SEC14L5: variants seen among roughly 807,000 people sequenced by gnomAD.
SEC14L5 encodes SEC14-like protein 5.
In SEC14L5, 96 loss-of-function variants were observed where a neutral mutation model predicts 84.6. The observed-to-expected ratio is 1.13, with a 90% CI of 0.96 to 1.34. The LOEUF (loss-of-function observed/expected upper bound fraction) is 1.34, where lower values mean the gene tolerates loss of function less well. Among genes scored for constraint, SEC14L5 ranks in the 40% most tolerant of loss-of-function variants. The pLI is 0.00. For missense variants in SEC14L5, 1,224 were observed against 942.5 expected, an observed-to-expected ratio of 1.30 and a Z score of -3.91; for synonymous variants, 546 against 383.4, an observed-to-expected ratio of 1.42 and a Z score of -4.95.
intron 11 of SEC14L5, 105 bp downstream of exon 11, chr16:5,003,678 G>T: frequency 1.3e-6 from 1 of 775,304 alleles, no homozygotes; most frequent in Non-Finnish European, 2.0e-6. Context: ...ATTTCATTTA[G>T]TAACTTTTTG....
chr16:4,978,423 AAAAGG>A (rs1170289160), intron 2 of SEC14L5, among the ~76,000 whole-genome samples: 1 of 66,100 alleles, frequency 1.5e-5, no homozygotes, highest in African/African-American at 6.4e-5. Flanking sequence ...TCTCAAAAAA[AAAAGG>A]AAAAAAAAGA....
At chr16:4,999,434 C>T (rs922971184) in intron 8 of SEC14L5, among the ~76,000 whole-genome samples, 1 of 151,298 alleles carries the variant, frequency 6.6e-6, no homozygotes, top group African/African-American at 2.4e-5. Context: ...GTGAGCTCGC[C>T]CCCCTCCACC....
At chr16:5,011,449 C>A (rs1394826688) in intron 15 of SEC14L5, among the ~76,000 whole-genome samples, 176 bp downstream of exon 15, 3 of 152,166 alleles carry the variant, frequency 2.0e-5, no homozygotes, top group African/African-American at 4.8e-5. Context: ...TGAGGAGAGC[C>A]CAGCTCTGCG....
At chr16:4,968,323 G>A (rs112462306) in intron 2 of SEC14L5, among the ~76,000 whole-genome samples, 21,865 of 151,880 alleles carry the variant, frequency 0.14, 1,665 homozygotes, top group Middle Eastern at 0.19. Flanking sequence ...GGGATTACAG[G>A]CATGCACCAC....
At chr16:5,006,416 C>G (rs541658894) in intron 12 of SEC14L5, among the ~76,000 whole-genome samples, 1 of 152,186 alleles carries the variant, frequency 6.6e-6, no homozygotes, top group Non-Finnish European at 1.5e-5. Context: ...GGAGGTGACT[C>G]GAATGTATCT....
rs1955557555 is a variant in SEC14L5 at position 4,991,933 on chromosome 16, T to A, written c.570T>A (p.Asp190Glu). The change falls in exon 6 of 16, where the codon GAT becomes GAA. Residue 190 changes from aspartate to glutamate, a missense_variant. Asp to Glu is a conservative substitution (Grantham distance 45, BLOSUM62 2). Transcript: ENST00000251170. ...CGCCTGCCCCAGTCCGTGAGGAGGA[T>A]GCCCGCAACCAGGCTGGACCGAGGG... ...RWTPAPVREE[D>E]ARNQAGPRDP... 1 of 1,604,506 alleles carries A rather than the reference T, an allele frequency of 6.2e-7. No individual in the cohort carries two copies. The highest frequency in any genetic ancestry group is 1.3e-5 in the African/African-American group (1 of 74,844).
chr16:5,017,110 A>G lies in SEC14L5; in HGVS notation c.*2140A>G, dbSNP rs554665026. ...CTGCCCTGGCAGTCTTTATACATTT[A>G]TTGTCTAGCCCCAGAGAAGGACACA... On this transcript the variant is annotated 3_prime_UTR_variant, in exon 16 of 16. Transcript: ENST00000251170. 1 of 148,834 alleles carries G rather than the reference A, an allele frequency of 6.7e-6. No individual in the cohort carries two copies. The highest frequency in any genetic ancestry group is 2.2e-4 in the South Asian group (1 of 4,626). 9.2% of individuals were successfully genotyped at this position (148,834 alleles called of 1,614,324 possible).
chr16:5,003,615 G>GCC, intron 11 of SEC14L5, 42 bp downstream of exon 11: 2 of 700,260 alleles, frequency 2.9e-6, no homozygotes, highest in Non-Finnish European at 2.2e-6. Context: ...CTGGGGGTGG[G>GCC]TGGGATGGGA....
chr16:4,980,467 G>A (rs1955408206), intron 2 of SEC14L5, among the ~76,000 whole-genome samples: 1 of 152,212 alleles, frequency 6.6e-6, no homozygotes. Context: ...AAGTGAGTCA[G>A]GAACTCTGGC....
intron 5 of SEC14L5, 58 bp downstream of exon 5, chr16:4,990,953 A>T: frequency 7.0e-7 from 1 of 1,427,934 alleles, no homozygotes. Context: ...CTCTGCCATC[A>T]ACAGCTGCAT....
At chr16:4,998,005 T>TC (rs1955630271) in intron 8 of SEC14L5, among the ~76,000 whole-genome samples, 2 of 149,004 alleles carry the variant, frequency 1.3e-5, no homozygotes, top group Admixed American at 6.7e-5. Flanking sequence ...CTCTAGTTCT[T>TC]TTTTTTTTTT....
rs373532254 is a variant in SEC14L5, at chr16:5,003,558, C to A, written c.1287C>A (p.Pro429=). ...LLIVRAPRVF[P]VLWTLISPFI... The stretch of plus-strand genomic sequence containing the variant: ...TCGTGCGAGCCCCCCGAGTCTTCCC[C>A]GTGCTCTGGACACTGGTAAGAGCTG... The change falls in exon 11 of 16, where the codon CCC becomes CCA. Residue 429 remains proline (P), a synonymous_variant. Transcript: ENST00000251170. The A allele has an allele frequency of 1.5e-6, 2 of 1,343,314 alleles. No homozygotes were observed. Among genetic ancestry groups the A allele is most frequent in the Middle Eastern group, 2.1e-4 (1 of 4,724 alleles). 83.2% of individuals were successfully genotyped at this position (1,343,314 alleles called of 1,614,324 possible).
intron 2 of SEC14L5, among the ~76,000 whole-genome samples, chr16:4,966,386 G>A (rs1955201099): frequency 6.9e-6 from 1 of 144,722 alleles, no homozygotes; most frequent in South Asian, 2.2e-4. Context: ...TGATTCTCCT[G>A]CCTCAGCCTC....
At chr16:4,983,464 A>G (rs1036514868) in intron 2 of SEC14L5, among the ~76,000 whole-genome samples, 3 of 149,852 alleles carry the variant, frequency 2.0e-5, no homozygotes, top group African/African-American at 7.3e-5. Context: ...ATAAAATTAT[A>G]TTATACAGAA....
intron 2 of SEC14L5, among the ~76,000 whole-genome samples, chr16:4,964,552 C>G (rs1174924270): frequency 6.6e-6 from 1 of 152,158 alleles, no homozygotes. Flanking sequence ...CCATTGCACT[C>G]CAGCCTGGGT....
At chr16:4,990,136 AATG>A (rs1955537195) in intron 4 of SEC14L5, among the ~76,000 whole-genome samples, 1 of 151,366 alleles carries the variant, frequency 6.6e-6, no homozygotes, top group East Asian at 1.9e-4. Context: ...AGATTATATA[AATG>A]ATACACTGAA....
At chr16:4,980,073 G>A (rs1384748621) in intron 2 of SEC14L5, among the ~76,000 whole-genome samples, 1 of 152,232 alleles carries the variant, frequency 6.6e-6, no homozygotes, top group East Asian at 1.9e-4. Flanking sequence ...CCGGCCATGT[G>A]CTGCTGGGCG....
intron 8 of SEC14L5, among the ~76,000 whole-genome samples, chr16:4,998,283 A>C (rs1362748093): frequency 6.6e-6 from 1 of 151,010 alleles, no homozygotes; most frequent in Non-Finnish European, 1.5e-5. Context: ...CTGGGATTAC[A>C]GGAGTGAGCC....
chr16:5,012,634 G>A (rs1955818861), intron 15 of SEC14L5, among the ~76,000 whole-genome samples: 1 of 152,254 alleles, frequency 6.6e-6, no homozygotes, highest in Non-Finnish European at 1.5e-5. Flanking sequence ...GCCGGGTGTG[G>A]TGGCTCACGC....
Sources: allele counts gnomAD v4.1 joint callset (sites outside exome capture counted in the v4.1 genomes callset), GRCh38; gene constraint gnomAD v4.1.1; transcripts MANE v1.5; gene names NCBI Gene and HGNC (gene_info 2026-07-23, HGNC 2026-07-21).